Variants in ERBIN observed in about 807,000 individuals in gnomAD.
ERBIN encodes erbb2 interacting protein, also known as densin-180-like protein.
Under a neutral mutation model 158.4 loss-of-function variants are expected in ERBIN, and 60 were observed. The observed-to-expected ratio is 0.38, with a 90% confidence interval of 0.31 to 0.47. The LOEUF (loss-of-function observed/expected upper bound fraction) is 0.47. ERBIN is among the 20% of genes least tolerant of loss of function. The pLI is 0.99. For missense variants in ERBIN, 1,610 were observed against 1,648.0 expected (o/e 0.98, Z 0.40); for synonymous variants, 594 against 557.2 (o/e 1.07, Z -0.93).
At chr5:65,940,342 TCCG>T (rs2150875397) in intron 1 of ERBIN, among the ~76,000 whole-genome samples, 2 of 146,944 alleles carry the variant, frequency 1.4e-5, no homozygotes, top group African/African-American at 5.3e-5. Context: ...GAGGAGCCCC[TCCG>T]CCCGGCAGCC....
chr5:65,964,092 C>G (rs1748252242), intron 1 of ERBIN, among the ~76,000 whole-genome samples: 1 of 152,094 alleles, frequency 6.6e-6, no homozygotes, highest in African/African-American at 2.4e-5. Context: ...AGCCACTGCG[C>G]CTGGCCGGTG....
intron 1 of ERBIN, among the ~76,000 whole-genome samples, chr5:65,966,013 TC>T (rs1241449215): frequency 2.0e-5 from 3 of 152,252 alleles, no homozygotes; most frequent in Admixed American, 1.3e-4. Flanking sequence ...TTAGGCTTTT[TC>T]TGTATATGTT....
intron 4 of ERBIN, among the ~76,000 whole-genome samples, chr5:66,001,835 T>G (rs1173516972): frequency 6.6e-6 from 1 of 152,188 alleles, no homozygotes; most frequent in Non-Finnish European, 1.5e-5. Flanking sequence ...CTGGGATACA[T>G]GTGCTGAACG....
At chr5:65,981,679 T>C (rs1187262314) in intron 1 of ERBIN, among the ~76,000 whole-genome samples, 1 of 152,182 alleles carries the variant, frequency 6.6e-6, no homozygotes, top group Non-Finnish European at 1.5e-5. Flanking sequence ...TTTAGGTATC[T>C]GTTTCTGTGT....
rs1383929914 is a variant in ERBIN at position 66,003,686 on chromosome 5, G to C, written c.308-8363G>C. ...TGGATTGGTGTGATATTGATGTTCTGTGAAATAGTTTTGTTCAGCAGGAGA... is the reference window on the plus strand; with the variant it reads ...TGGATTGGTGTGATATTGATGTTCTCTGAAATAGTTTTGTTCAGCAGGAGA... On this transcript the variant is annotated intron_variant, in intron 4 of 25. Coordinates refer to ENST00000284037, the MANE Select transcript of ERBIN (RefSeq NM_001253697.2). Among the ~76,000 whole-genome samples the C allele has an allele frequency of 2.0e-5, 3 of 152,082 alleles. No individual in the cohort carries two copies. In the East Asian group the frequency reaches 5.8e-4, roughly 29 times the overall value.
Position 66,024,372 on chromosome 5 carries a change from G to A in ERBIN, c.739G>A (p.Glu247Lys). The change falls in exon 10 of 26, where the codon GAA (glutamate) becomes AAA (lysine). Residue 247 changes from glutamate (E) to lysine (K), a missense_variant. By Grantham distance (56) the Glu-to-Lys change is moderately conservative. This residue lies in a region of ERBIN where 596 missense variants were observed against 711.9 expected (regional missense o/e 0.84). Coordinates refer to ENST00000284037, the MANE Select transcript of ERBIN (RefSeq NM_001253697.2). ...TAAAAATAATATTGAAATGGTTGAA[G>A]AAGGAATTTCAACATGTGAAAACCT... The part of the protein sequence containing the change: ...VSKNNIEMVE[E>K]GISTCENLQD... The A allele has an allele frequency of 1.9e-6, 3 of 1,600,934 alleles. No homozygotes were observed. Among genetic ancestry groups the A allele is most frequent in the Non-Finnish European group, 2.6e-6 (3 of 1,172,210 alleles).
At position 66,038,499 on chromosome 5, in the gene ERBIN, C is replaced by A. The variant is rs747848043; in HGVS notation, c.1306+17C>A. 1.3e-6 allele frequency: 2 copies of A among 1,549,374 alleles called. No homozygotes were observed. The highest frequency in any genetic ancestry group is 1.2e-5 in the South Asian group (1 of 85,800). On this transcript the variant is annotated intron_variant, in intron 15 of 25. Coordinates refer to ENST00000284037, the MANE Select transcript of ERBIN (RefSeq NM_001253697.2). Reference sequence around the variant, plus strand: ...CTGAGGATGGTAGGAATTTCATAATCGATTTTCTTGTTAAAAACAAATACT... The same window carrying A: ...CTGAGGATGGTAGGAATTTCATAATAGATTTTCTTGTTAAAAACAAATACT...
At chr5:65,977,160 T>A (rs1426927650) in intron 1 of ERBIN, among the ~76,000 whole-genome samples, 5 of 135,374 alleles carry the variant, frequency 3.7e-5, no homozygotes, top group Non-Finnish European at 6.3e-5. Flanking sequence ...CTCCCCCACC[T>A]CCCTCCCGGA....
At chr5:65,966,997 C>T (rs1441919319) in intron 1 of ERBIN, among the ~76,000 whole-genome samples, 1 of 151,846 alleles carries the variant, frequency 6.6e-6, no homozygotes, top group East Asian at 1.9e-4. Flanking sequence ...GGAGCTGGGC[C>T]TGGTAGTGTA....
In ERBIN at chr5:66,076,963, A is replaced by AAC; in HGVS notation, c.4131+14_4131+15insAC. Reference sequence around the variant, plus strand: ...AAAATTATTCAGGTAATTAAAATAAATCTTTTTTTTTTTCATTTTATAACA... The same window carrying AAC: ...AAAATTATTCAGGTAATTAAAATAAAACTCTTTTTTTTTTTCATTTTATAACA... On this transcript the variant is annotated intron_variant, in intron 25 of 25. Transcript: ENST00000284037. The AAC allele has an allele frequency of 6.6e-7, 1 of 1,521,782 alleles. No homozygotes were observed. Among genetic ancestry groups the AAC allele is most frequent in the Non-Finnish European group, 9.0e-7 (1 of 1,116,394 alleles). The allele number at this position is 1,521,782 out of a possible 1,614,324, so 94.3% of individuals were successfully genotyped here.
chr5:66,075,717 A>G (rs1761922761), intron 23 of ERBIN, among the ~76,000 whole-genome samples: 1 of 152,186 alleles, frequency 6.6e-6, no homozygotes, highest in Non-Finnish European at 1.5e-5. Flanking sequence ...CAAATGCTTT[A>G]TTCATTTTGG....
chr5:65,974,490 A>G (rs768163810), intron 1 of ERBIN, among the ~76,000 whole-genome samples: 5 of 152,224 alleles, frequency 3.3e-5, no homozygotes, highest in South Asian at 2.1e-4. Context: ...GAGACCATCT[A>G]TATGCTTCTT....
intron 7 of ERBIN, among the ~76,000 whole-genome samples, chr5:66,016,466 AAT>A (rs1754728040): frequency 6.6e-6 from 1 of 152,172 alleles, no homozygotes; most frequent in African/African-American, 2.4e-5. Context: ...ATTGAGGTAA[AAT>A]ATGTGTAAAA....
chr5:65,987,806 C>T (rs1167197200), intron 1 of ERBIN, among the ~76,000 whole-genome samples: 1 of 148,794 alleles, frequency 6.7e-6, no homozygotes, highest in South Asian at 2.1e-4. Flanking sequence ...GATTGTACCA[C>T]TGTACTCCAG....
chr5:66,050,051 A>T (rs1758861413), intron 19 of ERBIN, among the ~76,000 whole-genome samples: 1 of 152,086 alleles, frequency 6.6e-6, no homozygotes, highest in Non-Finnish European at 1.5e-5. Flanking sequence ...GATGGGAAAA[A>T]ATTCCATATA....
chr5:66,053,361 A>C, intron 20 of ERBIN, 45 bp from the exon 21 acceptor site: 1 of 1,226,456 alleles, frequency 8.2e-7, no homozygotes. Context: ...GTTACTAAGA[A>C]AACTCGGCTT....
chr5:66,033,601 G>A (rs1371043905), intron 14 of ERBIN, among the ~76,000 whole-genome samples: 1 of 152,134 alleles, frequency 6.6e-6, no homozygotes, highest in Non-Finnish European at 1.5e-5. Context: ...AATTATAGAG[G>A]TATATGGCAA....
Position 66,025,854 on chromosome 5 carries a change from A to G in ERBIN, c.897A>G (p.Ile299Met), listed in dbSNP as rs1756186450. Residue 299 changes from isoleucine to methionine, a missense_variant, in exon 12 of 26, where the codon ATA (isoleucine) becomes ATG (methionine). Physicochemically the swap from Ile to Met is conservative, Grantham distance 10 (BLOSUM62 1). This residue lies in a region of ERBIN where 596 missense variants were observed against 711.9 expected (regional missense o/e 0.84). Transcript: ENST00000284037. Reference sequence around the variant, plus strand: ...TTCTTTTTTTAAATTAAAGGTTAATATCAGTAGAAGAACTGGATTGTAGTT... The same window carrying G: ...TTCTTTTTTTAAATTAAAGGTTAATGTCAGTAGAAGAACTGGATTGTAGTT... ...MYLPDSIGGL[I>M]SVEELDCSFN... The G allele has an allele frequency of 2.0e-6, 3 of 1,492,400 alleles. No individual in the cohort carries two copies. The South Asian group carries it at 4.1e-5, about 20-fold the overall frequency. 92.4% of individuals were successfully genotyped at this position (1,492,400 alleles called of 1,614,324 possible).
At chr5:66,044,774 AAAT>A (rs1252923408) in intron 17 of ERBIN, among the ~76,000 whole-genome samples, 1 of 148,672 alleles carries the variant, frequency 6.7e-6, no homozygotes, top group African/African-American at 2.5e-5. Context: ...CAAAAACAAA[AAAT>A]AAGAGTATAA....
Sources: gnomAD v4.1 joint callset for allele counts (sites outside exome capture counted in the v4.1 genomes callset) on GRCh38, gnomAD v4.1.1 for gene constraint, gnomAD v4.1.1 regional missense constraint, MANE v1.5 for transcripts, NCBI Gene and HGNC (gene_info 2026-07-23, HGNC 2026-07-21) for gene names.